LRRC7: variants seen among roughly 807,000 people sequenced by gnomAD.
LRRC7 encodes leucine rich repeat containing 7.
Under a neutral mutation model 175.7 loss-of-function variants are expected in LRRC7, and 23 were observed. That is an observed-to-expected ratio of 0.13 (90% CI 0.09 to 0.19). The LOEUF is 0.19. LRRC7 is among the 10% of genes least tolerant of loss of function. The pLI is 1.00. For synonymous variants in LRRC7, 685 were observed against 680.9 expected (o/e 1.01, Z -0.09); for missense variants, 1,354 against 1,904.7 (o/e 0.71, Z 5.38).
intron 8 of LRRC7, among the ~76,000 whole-genome samples, chr1:69,933,325 A>G (rs999081703): frequency 9.2e-5 from 14 of 152,234 alleles, no homozygotes; most frequent in East Asian, 5.8e-4. Context: ...TCATAAATAC[A>G]TAGCTTAATG....
chr1:70,107,554 GCAAGC>G (rs1665228337), intron 25 of LRRC7, among the ~76,000 whole-genome samples, 193 bp from the exon 26 acceptor site: 1 of 151,994 alleles, frequency 6.6e-6, no homozygotes, highest in Admixed American at 6.6e-5. Flanking sequence ...GCTTCTTTTT[GCAAGC>G]AAAAATGTTG....
chr1:69,928,793 G>A (rs556247139), intron 7 of LRRC7, among the ~76,000 whole-genome samples: 48 of 152,218 alleles, frequency 3.2e-4, no homozygotes, highest in East Asian at 2.3e-3. Flanking sequence ...GCTTCGGCTC[G>A]TGCACAGTGC....
At position 70,129,535 on chromosome 1, in the gene LRRC7, G is replaced by T. The variant is rs1666583663; in HGVS notation, c.*7648G>T. ...GGAATTCAACACTTTAAAAAGTGTG[G>T]GGGGGTTGCTTGAAAAGAGTCTTCT... On this transcript the variant is annotated 3_prime_UTR_variant, in exon 27 of 27. Coordinates refer to ENST00000651989, the MANE Select transcript of LRRC7 (RefSeq NM_001370785.2). Among the ~76,000 whole-genome samples, 1 of 152,096 alleles carries T rather than the reference G, an allele frequency of 6.6e-6. No homozygotes were observed. Among genetic ancestry groups the T allele is most frequent in the Non-Finnish European group, 1.5e-5 (1 of 68,004 alleles).
chr1:69,924,152 A>T (rs1282428118), intron 7 of LRRC7, among the ~76,000 whole-genome samples: 1 of 152,034 alleles, frequency 6.6e-6, no homozygotes, highest in Non-Finnish European at 1.5e-5. Flanking sequence ...GTTCTGTTCC[A>T]TTGATCTATA....
chr1:69,984,643 A>G (rs1045815334), intron 9 of LRRC7, among the ~76,000 whole-genome samples: 1 of 152,110 alleles, frequency 6.6e-6, no homozygotes, highest in Non-Finnish European at 1.5e-5. Flanking sequence ...GAAATCAGTT[A>G]CTAATCCAAT....
chr1:70,022,446 A>G (rs1010753124), intron 16 of LRRC7: 1 of 152,194 alleles, frequency 6.6e-6, no homozygotes. Context: ...ATACTCTGGT[A>G]TATGTGTCAA....
At chr1:69,898,641 G>A (rs1646045744) in intron 7 of LRRC7, among the ~76,000 whole-genome samples, 1 of 151,184 alleles carries the variant, frequency 6.6e-6, no homozygotes, top group Non-Finnish European at 1.5e-5. Flanking sequence ...TCATCAGCTT[G>A]CAGTTTCTGT....
chr1:69,643,426 C>T (rs1392910343), intron 1 of LRRC7, among the ~76,000 whole-genome samples: 9 of 152,080 alleles, frequency 5.9e-5, no homozygotes, highest in Non-Finnish European at 1.2e-4. Flanking sequence ...CAACTGCCAG[C>T]CAATATCACA....
intron 1 of LRRC7, among the ~76,000 whole-genome samples, chr1:69,590,728 A>G (rs1324726614): frequency 6.6e-6 from 1 of 152,128 alleles, no homozygotes; most frequent in Non-Finnish European, 1.5e-5. Flanking sequence ...GCATCTGCCT[A>G]TATTGTATTG....
chr1:69,863,334 G>A (rs527970906), intron 7 of LRRC7, among the ~76,000 whole-genome samples: 2 of 152,082 alleles, frequency 1.3e-5, no homozygotes, highest in East Asian at 3.9e-4. Flanking sequence ...ATATAACACT[G>A]GTTAATATTA....
chr1:69,792,906 A>T (rs2101064097), intron 4 of LRRC7, among the ~76,000 whole-genome samples: 1 of 152,136 alleles, frequency 6.6e-6, no homozygotes, highest in Admixed American at 6.5e-5. Flanking sequence ...TCATTCATTA[A>T]ATCTTCATTT....
intron 24 of LRRC7, among the ~76,000 whole-genome samples, chr1:70,078,318 G>C (rs1662934600): frequency 6.6e-6 from 1 of 152,168 alleles, no homozygotes; most frequent in Non-Finnish European, 1.5e-5. Context: ...CCTTGAGTCA[G>C]TTTCTTAAAG....
chr1:69,887,722 T>C (rs1009439651), intron 7 of LRRC7, among the ~76,000 whole-genome samples: 33 of 150,496 alleles, frequency 2.2e-4, no homozygotes, highest in Admixed American at 2.2e-3. Flanking sequence ...AGTTTTTCTG[T>C]TCTGTTTTTT....
rs2102273046 is a variant in LRRC7 at position 70,133,066 on chromosome 1, G to A, written c.*11179G>A. Among the ~76,000 whole-genome samples the A allele has an allele frequency of 6.6e-6, 1 of 152,176 alleles. No homozygotes were observed. Among genetic ancestry groups the A allele is most frequent in the Admixed American group, 6.5e-5 (1 of 15,288 alleles). On this transcript the variant is annotated 3_prime_UTR_variant, in exon 27 of 27. Coordinates refer to ENST00000651989, the MANE Select transcript of LRRC7 (RefSeq NM_001370785.2). ...CTGACAAATACTATCCTCATATTTA[G>A]TTGTACACATCCGCATACTCTTTTA... is the stretch of plus-strand genomic sequence containing the variant.
chr1:69,570,682 T>C (rs1259339064), intron 1 of LRRC7, among the ~76,000 whole-genome samples: 25 of 151,262 alleles, frequency 1.7e-4, no homozygotes, highest in Admixed American at 1.6e-3. Context: ...GTTTGTTGTT[T>C]TTTGTTTGTT....
intron 3 of LRRC7, among the ~76,000 whole-genome samples, chr1:69,777,951 A>G (rs936715689): frequency 2.0e-5 from 3 of 152,172 alleles, no homozygotes; most frequent in Non-Finnish European, 4.4e-5. Context: ...CTCTAACTTC[A>G]GGGGAAAAAA....
At chr1:70,103,375 A>G (rs1407728169) in intron 25 of LRRC7, among the ~76,000 whole-genome samples, 1 of 152,198 alleles carries the variant, frequency 6.6e-6, no homozygotes, top group Admixed American at 6.5e-5. Context: ...GTGTAATCAC[A>G]TGGGCCTTAA....
intron 1 of LRRC7, among the ~76,000 whole-genome samples, chr1:69,575,718 T>C (rs755785257): frequency 6.6e-6 from 1 of 152,164 alleles, no homozygotes; most frequent in Non-Finnish European, 1.5e-5. Flanking sequence ...GATGAAGAAA[T>C]GTTCAATTCA....
chr1:70,023,934 G>C (rs758339721), intron 17 of LRRC7, among the ~76,000 whole-genome samples: 34 of 151,978 alleles, frequency 2.2e-4, no homozygotes, highest in Non-Finnish European at 3.2e-4. Context: ...ATTGGGAGTT[G>C]TGGCAAATAG....
Sources: allele counts gnomAD v4.1 joint callset (sites outside exome capture counted in the v4.1 genomes callset), GRCh38; gene constraint gnomAD v4.1.1; transcripts MANE v1.5; gene names NCBI Gene and HGNC (gene_info 2026-07-23, HGNC 2026-07-21).